ABCB4: variants seen among roughly 807,000 people sequenced by gnomAD.
ABCB4 encodes ATP binding cassette subfamily B member 4, also known as phosphatidylcholine translocator ABCB4.
In ABCB4, 76 loss-of-function variants were observed where a neutral mutation model predicts 145.7. The ratio of observed to expected loss-of-function variants is 0.52; its 90% CI spans 0.43 to 0.63. The LOEUF is 0.63. Ranked by LOEUF, ABCB4 falls within the 30% of genes least tolerant of loss-of-function variation. The pLI is 0.00. For synonymous variants in ABCB4, 517 were observed against 566.8 expected, an observed-to-expected ratio of 0.91 and a Z score of 1.25; for missense variants, 1,234 against 1,553.1, an observed-to-expected ratio of 0.79 and a Z score of 3.45.
the ABCB4 span, among the ~76,000 whole-genome samples, chr7:87,367,173 A>T: frequency 2.0e-5 from 3 of 152,166 alleles, no homozygotes; most frequent in African/African-American, 7.2e-5. Context: ...ACGTTATCCT[A>T]GATTATTCAC....
chr7:87,398,637 A>G (rs920604130), downstream of ABCB4: 1 of 1,613,004 alleles, frequency 6.2e-7, no homozygotes, highest in South Asian at 1.1e-5. Context: ...AACTCTACTC[A>G]TCTTTAGAGA....
At chr7:87,463,974 AT>A (rs2116908196) in intron 3 of ABCB4, among the ~76,000 whole-genome samples, 1 of 151,562 alleles carries the variant, frequency 6.6e-6, no homozygotes, top group Admixed American at 6.6e-5. Flanking sequence ...TCTAGACTAC[AT>A]TTTCCTCATC....
intron 3 of ABCB4, among the ~76,000 whole-genome samples, chr7:87,468,439 G>C (rs201266450): frequency 6.6e-6 from 1 of 151,860 alleles, no homozygotes; most frequent in Non-Finnish European, 1.5e-5. Flanking sequence ...AATCACAGCC[G>C]AATTCTACCA....
At chr7:87,423,653 A>ATGAAGAGAGCTCATT in intron 17 of ABCB4, 1 of 485,214 alleles carries the variant, frequency 2.1e-6, no homozygotes. Context: ...GTTTCACCAA[A>ATGAAGAGAGCTCATT]TGAAGAGAGC....
At chr7:87,394,334 A>G in the ABCB4 span, among the ~76,000 whole-genome samples, 48 of 152,272 alleles carry the variant, frequency 3.2e-4, no homozygotes, top group African/African-American at 1.1e-3. Flanking sequence ...GTTTATTCTC[A>G]TGTATTTTTC....
chr7:87,370,657 CA>C, the ABCB4 span, among the ~76,000 whole-genome samples: 2 of 152,180 alleles, frequency 1.3e-5, no homozygotes, highest in Non-Finnish European at 2.9e-5. Context: ...GCACCCAGGT[CA>C]AAAATTAGAA....
Position 87,459,230 on chromosome 7 carries a change from G to T in ABCB4, c.286+3528C>A, listed in dbSNP as rs373974173. On this transcript the variant is annotated intron_variant, in intron 4 of 27. Transcript: ENST00000649586. Reference sequence around the variant, plus strand: ...TACTGTTAAGTATATTCACACTGTTGTCCAGCCAACCTCCAGAACTTTTTC... The same window carrying T: ...TACTGTTAAGTATATTCACACTGTTTTCCAGCCAACCTCCAGAACTTTTTC... Among the ~76,000 whole-genome samples the T allele has an allele frequency of 1.6e-4, 24 of 152,024 alleles. No individual in the cohort carries two copies. In the East Asian group the frequency reaches 3.9e-3, roughly 24 times the overall value.
At chr7:87,452,378 CTT>C (rs528084596) in intron 6 of ABCB4, 21,054 of 134,426 alleles carry the variant, frequency 0.16, 1,486 homozygotes, top group African/African-American at 0.25. Context: ...TTGCTTTTCC[CTT>C]TTTTTTTTTT....
At chr7:87,391,315 C>T in the ABCB4 span, among the ~76,000 whole-genome samples, 1 of 152,304 alleles carries the variant, frequency 6.6e-6, no homozygotes, top group Admixed American at 6.5e-5. Flanking sequence ...TACAGCAGAG[C>T]ATAAATAGCA....
chr7:87,411,487 C>T (rs1808620139), intron 23 of ABCB4, among the ~76,000 whole-genome samples: 2 of 152,100 alleles, frequency 1.3e-5, no homozygotes, highest in African/African-American at 2.4e-5. Context: ...AGACTTCCAA[C>T]AAGTATTCCC....
chr7:87,367,802 C>T, the ABCB4 span, among the ~76,000 whole-genome samples: 235 of 152,252 alleles, frequency 1.5e-3, no homozygotes, highest in African/African-American at 5.1e-3. Context: ...AACAATTCAC[C>T]TCATGTCTCC....
chr7:87,403,763 G>C (rs45540833), intron 26 of ABCB4, among the ~76,000 whole-genome samples: 1 of 152,102 alleles, frequency 6.6e-6, no homozygotes, highest in African/African-American at 2.4e-5. Context: ...TGTGGTATAC[G>C]CAGTCTGTCA....
chr7:87,419,797 CAAAAACAAAAA>C (rs1809278684), intron 19 of ABCB4, among the ~76,000 whole-genome samples, 190 bp downstream of exon 19: 1 of 18,598 alleles, frequency 5.4e-5, no homozygotes, highest in Non-Finnish European at 4.6e-4. Context: ...TGAAAAAAAA[CAAAAACAAAAA>C]AAAAACAAAA....
intron 3 of ABCB4, among the ~76,000 whole-genome samples, chr7:87,469,285 TG>T (rs1813183020): frequency 6.6e-6 from 1 of 152,190 alleles, no homozygotes; most frequent in Non-Finnish European, 1.5e-5. Context: ...TGGGAAAAAC[TG>T]GAAGCATTCC....
Position 87,462,827 on chromosome 7 carries a change from G to A in ABCB4, c.217C>T (p.Leu73Phe). Reference sequence around the variant, plus strand: ...ATCTCTCCAAATACTATCATCATGAGGGGGAGACCTGATCCGTGAGCTATG... The same window carrying A: ...ATCTCTCCAAATACTATCATCATGAAGGGGAGACCTGATCCGTGAGCTATG... ...MAIAHGSGLP[L>F]MMIVFGEMTD... The change falls in exon 4 of 28, where the codon CTC becomes TTC. Residue 73 changes from leucine (L) to phenylalanine (F), a missense_variant. Transcript: ENST00000649586. The A allele has an allele frequency of 1.2e-6, 2 of 1,613,636 alleles. No homozygotes were observed. Among genetic ancestry groups the A allele is most frequent in the African/African-American group, 1.3e-5 (1 of 74,984 alleles).
chr7:87,445,602 T>C (rs1468878062), intron 9 of ABCB4, among the ~76,000 whole-genome samples: 1 of 149,698 alleles, frequency 6.7e-6, no homozygotes, highest in Admixed American at 6.7e-5. Flanking sequence ...ATCCAGATTA[T>C]TAGCATAACT....
At chr7:87,457,628 T>G (rs1812183531) in intron 4 of ABCB4, among the ~76,000 whole-genome samples, 1 of 152,198 alleles carries the variant, frequency 6.6e-6, no homozygotes, top group Non-Finnish European at 1.5e-5. Flanking sequence ...CAATATTTAT[T>G]GATCATTTAC....
At chr7:87,377,224 A>G in the ABCB4 span, 7 of 580,056 alleles carry the variant, frequency 1.2e-5, no homozygotes, top group Non-Finnish European at 1.8e-5. Flanking sequence ...TCATAACTAT[A>G]TTATGATTTT....
At chr7:87,413,434 T>C (rs756505213) in intron 22 of ABCB4, among the ~76,000 whole-genome samples, 183 bp downstream of exon 22, 6 of 152,210 alleles carry the variant, frequency 3.9e-5, no homozygotes, top group Non-Finnish European at 7.4e-5. Context: ...ATGTAAAAAA[T>C]ATAATTCTGT....
Sources: gnomAD v4.1 joint callset for allele counts (sites outside exome capture counted in the v4.1 genomes callset) on GRCh38, gnomAD v4.1.1 for gene constraint, MANE v1.5 for transcripts, NCBI Gene and HGNC (gene_info 2026-07-23, HGNC 2026-07-21) for gene names.